Variants in SEMA3A observed in about 807,000 individuals in gnomAD.
SEMA3A encodes semaphorin-3A.
A neutral mutation model predicts 97.9 loss-of-function variants in SEMA3A; 29 were observed. That is an observed-to-expected ratio of 0.30 (90% CI 0.22 to 0.40). The LOEUF is 0.40. Ranked by LOEUF, SEMA3A falls within the 10% of genes least tolerant of loss-of-function variation. The pLI, the probability that SEMA3A is intolerant of heterozygous loss-of-function variation, is 1.00. For missense variants in SEMA3A, 763 were observed against 951.3 expected (o/e 0.80, Z 2.60); for synonymous variants, 321 against 323.7 (o/e 0.99, Z 0.09).
chr7:84,351,232 C>T (rs1457156848), intron 2 of SEMA3A, among the ~76,000 whole-genome samples: 2 of 152,074 alleles, frequency 1.3e-5, no homozygotes, highest in African/African-American at 4.8e-5. Flanking sequence ...AGTACTCCTT[C>T]CCGTCTTTCC....
intron 3 of SEMA3A, among the ~76,000 whole-genome samples, chr7:84,116,486 G>T (rs1047886354): frequency 1.3e-5 from 2 of 152,160 alleles, no homozygotes; most frequent in African/African-American, 4.8e-5. Context: ...AACCAGAGTT[G>T]TGAGACTCTG....
At chr7:84,055,827 T>G (rs1337277020) in intron 5 of SEMA3A, among the ~76,000 whole-genome samples, 1 of 152,230 alleles carries the variant, frequency 6.6e-6, no homozygotes, top group Middle Eastern at 3.2e-3. Context: ...ATTAGTTAAA[T>G]GTTATTCTGC....
intron 4 of SEMA3A, among the ~76,000 whole-genome samples, chr7:84,079,479 C>G (rs1384296812): frequency 6.6e-6 from 1 of 151,534 alleles, no homozygotes; most frequent in Non-Finnish European, 1.5e-5. Context: ...TATCCAGAAT[C>G]TACAATGAAC....
At chr7:84,004,461 GA>G (rs1487141064) in intron 11 of SEMA3A, among the ~76,000 whole-genome samples, 2 of 151,916 alleles carry the variant, frequency 1.3e-5, no homozygotes, top group East Asian at 3.9e-4. Flanking sequence ...CAGAAACACT[GA>G]AAAAATTTTA....
At chr7:84,072,361 T>C (rs10488266) in intron 4 of SEMA3A, among the ~76,000 whole-genome samples, 18,032 of 152,068 alleles carry the variant, frequency 0.12, 1,160 homozygotes, top group South Asian at 0.15. Flanking sequence ...TTCTGATTAA[T>C]GTAATGTCTC....
intron 5 of SEMA3A, among the ~76,000 whole-genome samples, chr7:84,052,304 A>T (rs1004725163): frequency 2.0e-5 from 3 of 152,078 alleles, no homozygotes; most frequent in African/African-American, 7.2e-5. Flanking sequence ...TCCTCCTTGT[A>T]CCTCTGGTAC....
chr7:84,225,745 G>A (rs1008381678), intron 3 of SEMA3A, among the ~76,000 whole-genome samples: 1 of 152,052 alleles, frequency 6.6e-6, no homozygotes, highest in Non-Finnish European at 1.5e-5. Flanking sequence ...GGAGAAGCAT[G>A]CAAGAAAGGT....
chr7:84,010,973 G>A, intron 9 of SEMA3A, 49 bp downstream of exon 9: 1 of 1,351,460 alleles, frequency 7.4e-7, no homozygotes, highest in African/African-American at 1.5e-5. Flanking sequence ...TACTTGGATA[G>A]CACCTAAATA....
At chr7:84,093,175 T>C (rs571915052) in intron 4 of SEMA3A, among the ~76,000 whole-genome samples, 2 of 152,282 alleles carry the variant, frequency 1.3e-5, no homozygotes, top group South Asian at 4.2e-4. Flanking sequence ...ATGTAACTTT[T>C]TGCACAAGAT....
chr7:84,368,220 T>C (rs1020312160), intron 2 of SEMA3A, among the ~76,000 whole-genome samples: 2 of 151,304 alleles, frequency 1.3e-5, no homozygotes, highest in African/African-American at 2.4e-5. Flanking sequence ...TTCACCATAA[T>C]GTTAGTAAAT....
intron 1 of SEMA3A, among the ~76,000 whole-genome samples, chr7:84,189,749 A>T (rs1325437724): frequency 6.6e-6 from 1 of 151,682 alleles, no homozygotes; most frequent in East Asian, 1.9e-4. Context: ...AATCATATTA[A>T]TTAACTCTAA....
intron 6 of SEMA3A, among the ~76,000 whole-genome samples, chr7:84,031,211 T>C (rs1034508782): frequency 6.6e-6 from 1 of 151,900 alleles, no homozygotes. Context: ...CAGGATAGTC[T>C]CGATCTCCTG....
At chr7:84,320,691 T>C (rs868096804) in intron 2 of SEMA3A, among the ~76,000 whole-genome samples, 54 of 152,006 alleles carry the variant, frequency 3.6e-4, no homozygotes, top group African/African-American at 1.2e-3. Context: ...TATTTCACAG[T>C]AAAAATATAA....
chr7:84,174,638 C>T (rs1339052971), intron 1 of SEMA3A, among the ~76,000 whole-genome samples: 1 of 152,106 alleles, frequency 6.6e-6, no homozygotes, highest in Non-Finnish European at 1.5e-5. Context: ...TGATTATGTA[C>T]TACTGGAGAG....
intron 3 of SEMA3A, among the ~76,000 whole-genome samples, chr7:84,215,654 A>G (rs968296829): frequency 6.6e-6 from 1 of 152,172 alleles, no homozygotes; most frequent in Admixed American, 6.5e-5. Context: ...AACCTCCTCT[A>G]TTAGAAATAA....
intron 6 of SEMA3A, among the ~76,000 whole-genome samples, chr7:84,031,858 A>G (rs943457172): frequency 2.6e-5 from 4 of 152,156 alleles, no homozygotes; most frequent in Non-Finnish European, 5.9e-5. Flanking sequence ...AATAAAAAAT[A>G]AAGTGTCCTA....
rs150079616 is a variant in SEMA3A at position 84,150,187 on chromosome 7, C to T, written c.113-15236G>A. On this transcript the variant is annotated intron_variant, in intron 1 of 16. Transcript: ENST00000265362. ...TTACCCTCAAATTAATAAATTGTTA[C>T]GAAAATAATTACCTATGTACATCTG... 1.1e-3 allele frequency among the ~76,000 whole-genome samples: 174 copies of T among 152,206 alleles called. 1 individual carries two copies. The East Asian group carries it at 0.013, about 11-fold the overall frequency.
At chr7:84,229,819 C>A (rs1166971302) in intron 3 of SEMA3A, among the ~76,000 whole-genome samples, 2 of 151,886 alleles carry the variant, frequency 1.3e-5, no homozygotes, top group African/African-American at 4.8e-5. Context: ...AACAAGCGTG[C>A]CCAATTTCCT....
rs745420951 is a variant in SEMA3A at position 83,981,353 on chromosome 7, A to G, written c.1620T>C (p.Ser540=). Residue 540 remains serine, a synonymous_variant, in exon 14 of 17, where the codon TCT becomes TCC. Coordinates refer to ENST00000265362, the MANE Select transcript of SEMA3A (RefSeq NM_006080.3). ...CAGTGGGAAAATAGCGAGAACATGC[A>G]GAACCATCCCAAGCACAGTAAGGGT... is the stretch of plus-strand genomic sequence containing the variant. ...ARDPYCAWDG[S]ACSRYFPTAK... is the part of the protein sequence containing the mutation. 10 of 1,614,076 alleles carry G rather than the reference A, an allele frequency of 6.2e-6. No individual in the cohort carries two copies. The highest frequency in any genetic ancestry group is 8.5e-6 in the Non-Finnish European group (10 of 1,179,950).
Sources: allele counts gnomAD v4.1 joint callset (sites outside exome capture counted in the v4.1 genomes callset), GRCh38; gene constraint gnomAD v4.1.1; transcripts MANE v1.5; gene names NCBI Gene and HGNC (gene_info 2026-07-23, HGNC 2026-07-21).